DYNLT3: variants seen among roughly 807,000 people sequenced by gnomAD.
DYNLT3 encodes the protein protein 91/23.
In DYNLT3, 4 loss-of-function variants were observed where a neutral mutation model predicts 11.0. That is an observed-to-expected ratio of 0.36 (90% CI 0.18 to 0.83). The LOEUF (loss-of-function observed/expected upper bound fraction) is 0.83. Ranked by LOEUF, DYNLT3 falls within the 40% of genes least tolerant of loss-of-function variation. The pLI is 0.47. For synonymous variants in DYNLT3, 37 were observed against 31.2 expected (o/e 1.18, Z -0.61); for missense variants, 91 against 91.1 (o/e 1.00, Z 0.01).
At chrX:37,844,913 A>T (rs924086204) in intron 2 of DYNLT3, among the ~76,000 whole-genome samples, 7 of 112,401 alleles carry the variant, frequency 6.2e-5, no homozygotes, top group Admixed American at 5.6e-4. Flanking sequence ...CAATCATCAA[A>T]CTGGTTTTTA....
chrX:37,846,511 A>G (rs889702061), intron 1 of DYNLT3, among the ~76,000 whole-genome samples, 153 bp from the exon 2 acceptor site: 1 of 112,182 alleles, frequency 8.9e-6, no homozygotes, highest in African/African-American at 3.2e-5. Flanking sequence ...ACACTTAAAA[A>G]TACTGAATGC....
At chrX:37,847,383 A>C in intron 1 of DYNLT3, 98 bp downstream of exon 1, 2 of 975,487 alleles carry the variant, frequency 2.1e-6, no homozygotes, top group South Asian at 4.0e-5. Context: ...CCGCACCCCA[A>C]CTCTTGGGAC....
At chrX:37,844,493 T>C (rs1930231383) in intron 2 of DYNLT3, among the ~76,000 whole-genome samples, 1 of 112,577 alleles carries the variant, frequency 8.9e-6, no homozygotes, top group Admixed American at 9.4e-5. Context: ...CTATGATAGA[T>C]GAAAATTTGG....
chrX:37,847,447 TG>T (rs763171603), intron 1 of DYNLT3, 33 bp downstream of exon 1: 1 of 1,000,138 alleles, frequency 1.0e-6, no homozygotes. Context: ...AAGGCGGGAG[TG>T]GGGGGCGCTC....
At chrX:37,842,012 T>G in intron 2 of DYNLT3, 107 bp from the exon 3 acceptor site, 1 of 760,763 alleles carries the variant, frequency 1.3e-6, no homozygotes, top group Non-Finnish European at 1.8e-6. Flanking sequence ...AATATACTTA[T>G]AGCTCAATAA....
rs745873902 is a variant in DYNLT3 at position 37,840,707 on chromosome X, A to AATAT, written c.275-60_275-57dup. The AATAT allele has an allele frequency of 2.6e-4, 167 of 646,193 alleles. No homozygotes were observed. The African/African-American group carries it at 3.6e-3, about 14-fold the overall frequency. 53.3% of individuals were successfully genotyped at this position (646,193 alleles called of 1,213,427 possible). Reference sequence around the variant, plus strand: ...CAGCAAAACATAAAAATTATCAGAGAATATATATATATATATACACACACA... The same window carrying AATAT: ...CAGCAAAACATAAAAATTATCAGAGAATATATATATATATATATATACACACACA... On this transcript the variant is annotated intron_variant, in intron 4 of 4. Transcript: ENST00000378578.
Position 37,840,371 on chromosome X carries a change from A to G in DYNLT3, c.*204T>C, listed in dbSNP as rs1270362885. 3.8e-6 allele frequency: 1 copy of G among 266,244 alleles called. No homozygotes were observed. The highest frequency in any genetic ancestry group is 6.9e-6 in the Non-Finnish European group (1 of 145,588). 21.9% of individuals were successfully genotyped at this position (266,244 alleles called of 1,213,427 possible). A position where few individuals can be genotyped will look rare whatever the true frequency, so the allele number is the denominator to read the frequency against. On this transcript the variant is annotated 3_prime_UTR_variant, in exon 5 of 5. Transcript: ENST00000378578. The stretch of plus-strand genomic sequence containing the variant: ...TTTTTGCTAGCATTAAATTTTTCCT[A>G]TTTAAACGATGCTGTATAGAATATG...
At position 37,840,428 on chromosome X, in the gene DYNLT3, G is replaced by C. The variant is rs754547855; in HGVS notation, c.*147C>G. On this transcript the variant is annotated 3_prime_UTR_variant, in exon 5 of 5. Coordinates refer to ENST00000378578, the MANE Select transcript of DYNLT3 (RefSeq NM_006520.3). ...TCTGCCAATTACTATGATATTGCTT[G>C]CTTATAATATTCAGTTTTTGTTGAT... is the stretch of plus-strand genomic sequence containing the variant. 5 of 408,735 alleles carry C rather than the reference G, an allele frequency of 1.2e-5. No individual in the cohort carries two copies. The highest frequency in any genetic ancestry group is 1.6e-5 in the Non-Finnish European group (4 of 250,870). 33.7% of individuals were successfully genotyped at this position (408,735 alleles called of 1,213,427 possible).
rs1238219139 is a variant in DYNLT3, at chrX:37,841,916, A to C, written c.73-11T>G. On this transcript the variant is annotated splice_polypyrimidine_tract_variant and intron_variant, in intron 2 of 4. Coordinates refer to ENST00000378578, the MANE Select transcript of DYNLT3 (RefSeq NM_006520.3). ...AACCCCATCTACACACTAAAAGGGCACAGAGGGCAGTTAATTTAGTCAGTA... is the reference window on the plus strand; with the variant it reads ...AACCCCATCTACACACTAAAAGGGCCCAGAGGGCAGTTAATTTAGTCAGTA... 2 of 1,094,044 alleles carry C rather than the reference A, an allele frequency of 1.8e-6. No individual in the cohort carries two copies. 90.2% of individuals were successfully genotyped at this position (1,094,044 alleles called of 1,213,427 possible).
At chrX:37,846,106 G>A (rs1443862025) in intron 2 of DYNLT3, among the ~76,000 whole-genome samples, 1 of 112,289 alleles carries the variant, frequency 8.9e-6, no homozygotes, top group African/African-American at 3.2e-5. Context: ...AGGAGGTGGA[G>A]GTTGCAGTGA....
intron 4 of DYNLT3, 39 bp downstream of exon 4, chrX:37,840,989 A>T (rs1463395929): frequency 6.7e-6 from 8 of 1,187,375 alleles, no homozygotes; most frequent in Non-Finnish European, 8.0e-6. Flanking sequence ...GACTTTGCTA[A>T]AAGTTGGATT....
intron 3 of DYNLT3, 51 bp from the exon 4 acceptor site, chrX:37,841,156 A>G (rs767015863): frequency 2.7e-6 from 3 of 1,092,535 alleles, no homozygotes; most frequent in Non-Finnish European, 3.7e-6. Context: ...GGAAAAGAGA[A>G]CCAAGGTCAA....
rs1233528857 is a variant in DYNLT3, at chrX:37,839,989, A to G, written c.*586T>C. 1.8e-5 allele frequency: 2 copies of G among 112,430 alleles called. No individual in the cohort carries two copies. Among genetic ancestry groups the G allele is most frequent in the African/African-American group, 6.5e-5 (2 of 30,934 alleles). 9.3% of individuals were successfully genotyped at this position (112,430 alleles called of 1,213,427 possible). A position where few individuals can be genotyped will look rare whatever the true frequency, so the allele number is the denominator to read the frequency against. ...TCAAGTGTAAATCCAAAAATTTGAA[A>G]TTAAAAAAAATTGATTTACTAATCC... On this transcript the variant is annotated 3_prime_UTR_variant, in exon 5 of 5. Coordinates refer to ENST00000378578, the MANE Select transcript of DYNLT3 (RefSeq NM_006520.3).
rs1930147526 is a variant in DYNLT3 at position 37,841,121 on chromosome X, C to G, written c.197-16G>C. 1.7e-6 allele frequency: 2 copies of G among 1,193,343 alleles called. No individual in the cohort carries two copies. Among genetic ancestry groups the G allele is most frequent in the East Asian group, 3.0e-5 (1 of 33,469 alleles). On this transcript the variant is annotated splice_polypyrimidine_tract_variant and intron_variant, in intron 3 of 4. Transcript: ENST00000378578. ...GCACAGGTCACTGCAAATAAAGTCA[C>G]AGAATGAGGGCACTTACAGACAAAG...
intron 2 of DYNLT3, among the ~76,000 whole-genome samples, chrX:37,842,584 C>G (rs1415245314): frequency 9.0e-6 from 1 of 111,615 alleles, no homozygotes; most frequent in African/African-American, 3.3e-5. Context: ...CTTCTGACAC[C>G]TGATTAAAAG....
intron 3 of DYNLT3, among the ~76,000 whole-genome samples, chrX:37,841,422 A>G (rs1930156137): frequency 9.0e-6 from 1 of 111,321 alleles, no homozygotes; most frequent in Non-Finnish European, 1.9e-5. Flanking sequence ...TCAGACACAG[A>G]AATGCAGGAA....
chrX:37,839,483 C>G lies in DYNLT3; in HGVS notation c.*1092G>C, dbSNP rs1042196004. 11 of 112,241 alleles carry G rather than the reference C, an allele frequency of 9.8e-5. No homozygotes were observed. Among genetic ancestry groups the G allele is most frequent in the Non-Finnish European group, 1.3e-4 (7 of 53,155 alleles). 9.2% of individuals were successfully genotyped at this position (112,241 alleles called of 1,213,427 possible). On this transcript the variant is annotated 3_prime_UTR_variant, in exon 5 of 5. Coordinates refer to ENST00000378578, the MANE Select transcript of DYNLT3 (RefSeq NM_006520.3). Reference sequence around the variant, plus strand: ...CATAATAAGTCTTTTAAGTTATTTACAGATGGTTGTAACTAAAGCAATGAC... The same window carrying G: ...CATAATAAGTCTTTTAAGTTATTTAGAGATGGTTGTAACTAAAGCAATGAC...
Position 37,839,918 on chromosome X carries a change from A to G in DYNLT3, c.*657T>C, listed in dbSNP as rs1341475303. 2 of 112,200 alleles carry G rather than the reference A, an allele frequency of 1.8e-5. No homozygotes were observed. Among genetic ancestry groups the G allele is most frequent in the African/African-American group, 6.5e-5 (2 of 30,797 alleles). 9.2% of individuals were successfully genotyped at this position (112,200 alleles called of 1,213,427 possible). A position where few individuals can be genotyped will look rare whatever the true frequency, so the allele number is the denominator to read the frequency against. ...ACACTGTTCATCATATACTGCAACT[A>G]ATTTTATTTAACTAGGAAATTCAGT... On this transcript the variant is annotated 3_prime_UTR_variant, in exon 5 of 5. Transcript: ENST00000378578.
intron 1 of DYNLT3, chrX:37,847,147 C>G: frequency 8.7e-7 from 1 of 1,144,539 alleles, no homozygotes; most frequent in South Asian, 2.0e-5. Flanking sequence ...AGCGGGAAGA[C>G]CCGTTTTCGA....
Sources: gnomAD v4.1 joint callset for allele counts (sites outside exome capture counted in the v4.1 genomes callset) on GRCh38, gnomAD v4.1.1 for gene constraint, MANE v1.5 for transcripts, NCBI Gene and HGNC (gene_info 2026-07-23, HGNC 2026-07-21) for gene names.